Variants in TVP23C observed in about 807,000 individuals in gnomAD.
TVP23C encodes the protein Golgi apparatus membrane protein TVP23 homolog C.
In TVP23C, 19 loss-of-function variants were observed where a neutral mutation model predicts 28.7. That is an observed-to-expected ratio of 0.66 (90% CI 0.46 to 0.97). The LOEUF is 0.97. Ranked by LOEUF, TVP23C falls within the 50% of genes least tolerant of loss-of-function variation. TVP23C has a pLI of 0.00. For synonymous variants in TVP23C, 68 were observed against 81.7 expected, an observed-to-expected ratio of 0.83 and a Z score of 0.90; for missense variants, 186 against 241.3, an observed-to-expected ratio of 0.77 and a Z score of 1.52.
chr17:15,556,509 G>A (rs1984138870), intron 1 of TVP23C, among the ~76,000 whole-genome samples: 1 of 152,026 alleles, frequency 6.6e-6, no homozygotes, highest in South Asian at 2.1e-4. Context: ...CTACAGGCGC[G>A]TGCCACCATG....
chr17:15,507,176 T>C lies in TVP23C; in HGVS notation c.463-3944A>G, dbSNP rs1044324217. 1.7e-5 allele frequency: 13 copies of C among 747,982 alleles called. No homozygotes were observed. In the African/African-American group the frequency reaches 2.1e-4, roughly 12 times the overall value. The allele number at this position is 747,982 out of a possible 1,614,324, so 46.3% of individuals were successfully genotyped here. ...TGTCCATGGCAAATGCAGGACCCGA[T>C]ACAAACGGTTCCTAATTTTTCATCT... On this transcript the variant is annotated intron_variant, in intron 5 of 5. Transcript: ENST00000225576.
At chr17:15,517,790 G>A (rs1400018213) in intron 5 of TVP23C, among the ~76,000 whole-genome samples, 1 of 152,170 alleles carries the variant, frequency 6.6e-6, no homozygotes, top group Non-Finnish European at 1.5e-5. Context: ...GCAGGCGGCA[G>A]AAACAGAAGG....
At position 15,539,996 on chromosome 17, in the gene TVP23C, G is replaced by A. The variant is rs544857972; in HGVS notation, c.*416C>T. On this transcript the variant is annotated 3_prime_UTR_variant, in exon 6 of 6. Transcript: ENST00000518321. ...TAATCCCAGCTACTCATAAGGCTGA[G>A]GCAGGAGAATCACATGAACCCGGGG... is the stretch of plus-strand genomic sequence containing the variant. 1 of 501,122 alleles carries A rather than the reference G, an allele frequency of 2.0e-6. No individual in the cohort carries two copies. Among genetic ancestry groups the A allele is most frequent in the South Asian group, 5.3e-5 (1 of 18,924 alleles). The allele number at this position is 501,122 out of a possible 1,614,324, so 31.0% of individuals were successfully genotyped here.
chr17:15,515,529 G>A (rs930171670), intron 5 of TVP23C, among the ~76,000 whole-genome samples: 1 of 152,152 alleles, frequency 6.6e-6, no homozygotes, highest in Non-Finnish European at 1.5e-5. Flanking sequence ...TGAACTACAC[G>A]AGATACGATT....
chr17:15,559,955 G>C lies in TVP23C; in HGVS notation c.12+3482C>G, dbSNP rs575561030. ...CAAGGAACATAAGGTGAGCCAGGAG[G>C]GGGTAGTGTCCTGGAAACCAAACAA... On this transcript the variant is annotated intron_variant, in intron 1 of 5. Transcript: ENST00000518321. 1.3e-5 allele frequency among the ~76,000 whole-genome samples: 2 copies of C among 149,434 alleles called. 1 individual carries two copies. Among genetic ancestry groups the C allele is most frequent in the Non-Finnish European group, 3.0e-5 (2 of 66,752 alleles).
At chr17:15,558,426 A>C (rs1326209749) in intron 1 of TVP23C, among the ~76,000 whole-genome samples, 2 of 145,430 alleles carry the variant, frequency 1.4e-5, no homozygotes, top group Admixed American at 7.1e-5. Context: ...TTTAGGTTCT[A>C]ATCTCTGGAA....
At chr17:15,502,739 TCCTCTCTCCCGTCTCTTTCTCTCC>T in exon 6 of TVP23C, 1 of 993,030 alleles carries the variant, frequency 1.0e-6, no homozygotes, top group Non-Finnish European at 1.3e-6. Flanking sequence ...TCTTTCTCTC[TCCTCTCTCCCGTCTCTTTCTCTCC>T]TTCTCCGTCA....
In TVP23C at chr17:15,561,007, G is replaced by A. The variant is rs74893461; in HGVS notation, c.12+2430C>T. On this transcript the variant is annotated intron_variant, in intron 1 of 5. Coordinates refer to ENST00000518321, the MANE Select transcript of TVP23C (RefSeq NM_001135036.2). ...AAGAGGAGATGGAAACCAGGACACA[G>A]TAGACAGGAAGACCTAAGAATGGAG... Among the ~76,000 whole-genome samples, 7 of 152,146 alleles carry A rather than the reference G, an allele frequency of 4.6e-5. No homozygotes were observed. In the East Asian group the frequency reaches 7.7e-4, roughly 17 times the overall value.
intron 1 of TVP23C, among the ~76,000 whole-genome samples, chr17:15,560,031 T>C (rs565108075): frequency 6.7e-6 from 1 of 149,414 alleles, no homozygotes; most frequent in Admixed American, 6.7e-5. Context: ...TACTCATAAG[T>C]AAGATGAAAA....
intron 5 of TVP23C, among the ~76,000 whole-genome samples, chr17:15,514,757 C>T (rs532060138): frequency 1.3e-5 from 2 of 152,288 alleles, no homozygotes; most frequent in African/African-American, 4.8e-5. Context: ...CTCTACTCAG[C>T]ACTTGAGACC....
chr17:15,506,532 T>A (rs1981753465), intron 5 of TVP23C, among the ~76,000 whole-genome samples: 1 of 152,236 alleles, frequency 6.6e-6, no homozygotes, highest in Non-Finnish European at 1.5e-5. Context: ...AAAAGCAGGC[T>A]GTGGGCGCCA....
At chr17:15,510,814 G>A (rs924770226) in intron 5 of TVP23C, among the ~76,000 whole-genome samples, 7 of 152,012 alleles carry the variant, frequency 4.6e-5, no homozygotes, top group Admixed American at 3.9e-4. Flanking sequence ...ATCCCAGCAC[G>A]TTGGGAGGCC....
At chr17:15,548,207 C>T (rs1983728925) in intron 3 of TVP23C, among the ~76,000 whole-genome samples, 2 of 152,106 alleles carry the variant, frequency 1.3e-5, no homozygotes, top group African/African-American at 2.4e-5. Context: ...GCTCTTGTTG[C>T]CCAGGCTGGC....
intron 5 of TVP23C, among the ~76,000 whole-genome samples, chr17:15,524,442 G>T (rs1487348396): frequency 1.3e-5 from 2 of 152,068 alleles, no homozygotes; most frequent in African/African-American, 4.8e-5. Flanking sequence ...CTAAGGAAGG[G>T]GGTTAAGGAC....
Position 15,537,999 on chromosome 17 carries a change from A to G in TVP23C, c.*2413T>C, listed in dbSNP as rs878889240. 1 of 1,503,608 alleles carries G rather than the reference A, an allele frequency of 6.7e-7. No homozygotes were observed. The highest frequency in any genetic ancestry group is 1.3e-5 in the South Asian group (1 of 74,774). 93.1% of individuals were successfully genotyped at this position (1,503,608 alleles called of 1,614,324 possible). A position where few individuals can be genotyped will look rare whatever the true frequency, so the allele number is the denominator to read the frequency against. ...ATGAAAACTACTTTTCCTTTTTATAAATAAAGTTTTTAAGTGGAAAAACAA... is the reference window on the plus strand; with the variant it reads ...ATGAAAACTACTTTTCCTTTTTATAGATAAAGTTTTTAAGTGGAAAAACAA... On this transcript the variant is annotated 3_prime_UTR_variant, in exon 6 of 6. Coordinates refer to ENST00000518321, the MANE Select transcript of TVP23C (RefSeq NM_001135036.2).
At chr17:15,507,528 G>GT (rs1981809528) in intron 5 of TVP23C, among the ~76,000 whole-genome samples, 1 of 152,152 alleles carries the variant, frequency 6.6e-6, no homozygotes, top group African/African-American at 2.4e-5. Context: ...GTAGAGTTAA[G>GT]TTTATGAATA....
At chr17:15,531,393 C>T (rs576052664) in intron 5 of TVP23C, among the ~76,000 whole-genome samples, 38 of 152,246 alleles carry the variant, frequency 2.5e-4, no homozygotes, top group African/African-American at 8.7e-4. Context: ...ATTATTTCTG[C>T]CTTTTTCTTT....
chr17:15,536,429 G>C (rs2654278), downstream of TVP23C, among the ~76,000 whole-genome samples: 1 of 152,118 alleles, frequency 6.6e-6, no homozygotes, highest in Non-Finnish European at 1.5e-5. Flanking sequence ...AAACTTGGTG[G>C]TGTGGCCACA....
rs1477184637 is a variant in TVP23C at position 15,503,234 on chromosome 17, T to C, written c.463-2A>G. On this transcript the variant is annotated splice_acceptor_variant, in intron 5 of 5. Transcript: ENST00000225576. LOFTEE classifies it high-confidence loss of function. ...CTGGGCAATGTGGCGAGACCGTCTC[T>C]ACAAAAAATAAAATAAAAATAAATT... is the stretch of plus-strand genomic sequence containing the variant. 1 of 1,485,736 alleles carries C rather than the reference T, an allele frequency of 6.7e-7. No individual in the cohort carries two copies. The highest frequency in any genetic ancestry group is 8.9e-7 in the Non-Finnish European group (1 of 1,121,370). The allele number at this position is 1,485,736 out of a possible 1,614,324, so 92.0% of individuals were successfully genotyped here. A position where few individuals can be genotyped will look rare whatever the true frequency, so the allele number is the denominator to read the frequency against.
Sources: gnomAD v4.1 joint callset for allele counts (sites outside exome capture counted in the v4.1 genomes callset) on GRCh38, gnomAD v4.1.1 for gene constraint, MANE v1.5 for transcripts, NCBI Gene and HGNC (gene_info 2026-07-23, HGNC 2026-07-21) for gene names.